PCSK5: variants seen among roughly 807,000 people sequenced by gnomAD.
The protein encoded by PCSK5 is proprotein convertase subtilisin/kexin type 5.
Under a neutral mutation model 233.2 loss-of-function variants are expected in PCSK5, and 129 were observed. The ratio of observed to expected loss-of-function variants is 0.55; its 90% CI spans 0.48 to 0.64. The LOEUF is 0.64. Ranked by LOEUF, PCSK5 falls within the 30% of genes least tolerant of loss-of-function variation. The pLI, the probability that PCSK5 is intolerant of heterozygous loss-of-function variation, is 0.00. For missense variants in PCSK5, 2,076 were observed against 2,430.1 expected (o/e 0.85, Z 3.06); for synonymous variants, 825 against 879.2 (o/e 0.94, Z 1.09).
chr9:75,907,857 ACAGT>A (rs1822468079), intron 1 of PCSK5, among the ~76,000 whole-genome samples: 1 of 152,228 alleles, frequency 6.6e-6, no homozygotes, highest in South Asian at 2.1e-4. Context: ...AGTAGCAAAA[ACAGT>A]CAGGTTTGGT....
chr9:76,042,303 TACTA>T (rs1375349269), intron 5 of PCSK5, among the ~76,000 whole-genome samples: 5 of 152,250 alleles, frequency 3.3e-5, no homozygotes, highest in African/African-American at 4.8e-5. Context: ...TGTAAAAGCG[TACTA>T]ACTGCCATTT....
chr9:75,901,494 G>A (rs955194788), intron 1 of PCSK5, among the ~76,000 whole-genome samples: 2 of 152,006 alleles, frequency 1.3e-5, no homozygotes, highest in African/African-American at 4.8e-5. Context: ...AAGGGAGGGA[G>A]AGCATTAGGA....
chr9:75,955,397 A>C (rs563572137), intron 2 of PCSK5, among the ~76,000 whole-genome samples: 1 of 152,294 alleles, frequency 6.6e-6, no homozygotes, highest in South Asian at 2.1e-4. Context: ...TCCTCTCACC[A>C]ACACACGTGC....
chr9:76,186,649 C>G (rs578106776), intron 17 of PCSK5, among the ~76,000 whole-genome samples: 7 of 152,142 alleles, frequency 4.6e-5, no homozygotes, highest in Non-Finnish European at 8.8e-5. Flanking sequence ...CTTCTCCATA[C>G]AGTGCAACCT....
intron 33 of PCSK5, among the ~76,000 whole-genome samples, chr9:76,331,764 G>A (rs1457888120): frequency 6.6e-6 from 1 of 152,112 alleles, no homozygotes; most frequent in African/African-American, 2.4e-5. Context: ...CTGCACTGCT[G>A]CCTTTGAAGA....
chr9:76,059,017 T>A (rs563812495), intron 5 of PCSK5, among the ~76,000 whole-genome samples: 2 of 151,976 alleles, frequency 1.3e-5, no homozygotes, highest in African/African-American at 4.8e-5. Flanking sequence ...AGAAAAGAAA[T>A]GTATAACAAT....
Position 76,027,055 on chromosome 9 carries a change from GGTGGCTGGCAT to G in PCSK5, c.632+29_632+39del, listed in dbSNP as rs1365385741. Reference sequence around the variant, plus strand: ...GAGAACAAGTAAGGCCCAAGTGAGGGGTGGCTGGCATGTGGCTGGCAAGGAGCTTTGTTTTC... The same window carrying G: ...GAGAACAAGTAAGGCCCAAGTGAGGGGTGGCTGGCAAGGAGCTTTGTTTTC... On this transcript the variant is annotated intron_variant, in intron 5 of 37. Coordinates refer to ENST00000674117, the MANE Select transcript of PCSK5 (RefSeq NM_001372043.1). The G allele has an allele frequency of 5.7e-6, 9 of 1,565,444 alleles. No homozygotes were observed. The highest frequency in any genetic ancestry group is 7.0e-6 in the Non-Finnish European group (8 of 1,141,408).
At position 76,299,372 on chromosome 9, in the gene PCSK5, A is replaced by G. The variant is rs150926604; in HGVS notation, c.3523+2507A>G. Reference sequence around the variant, plus strand: ...TTTAGTGTCCCTAAATGGCAGGAATAAAACCAATATTCAAGGCCGGACGTG... The same window carrying G: ...TTTAGTGTCCCTAAATGGCAGGAATGAAACCAATATTCAAGGCCGGACGTG... On this transcript the variant is annotated intron_variant, in intron 27 of 37. Coordinates refer to ENST00000674117, the MANE Select transcript of PCSK5 (RefSeq NM_001372043.1). 4.6e-3 allele frequency among the ~76,000 whole-genome samples: 704 copies of G among 152,304 alleles called. 6 individuals are homozygous for G. Among genetic ancestry groups the G allele is most frequent in the Non-Finnish European group, 5.2e-3 (354 of 68,026 alleles).
At chr9:76,170,443 C>T (rs1031562216) in intron 13 of PCSK5, among the ~76,000 whole-genome samples, 4 of 152,172 alleles carry the variant, frequency 2.6e-5, no homozygotes, top group Non-Finnish European at 4.4e-5. Context: ...ACAGCCTATT[C>T]CCGTCTTCAT....
intron 1 of PCSK5, among the ~76,000 whole-genome samples, chr9:75,928,547 C>G (rs1823605723): frequency 7.1e-6 from 1 of 140,780 alleles, no homozygotes; most frequent in Non-Finnish European, 1.5e-5. Flanking sequence ...CAGTAAGGGA[C>G]ATGCATATTA....
In PCSK5 at chr9:75,891,446, C is replaced by A. The variant is rs1354153786; in HGVS notation, c.192+73C>A. On this transcript the variant is annotated intron_variant, in intron 1 of 37. Transcript: ENST00000674117. ...GGCTTCTTGTCCCCTCTGCGTGGAA[C>A]CCCCTCCCCCTCTTCCAGATGTGCT... The A allele has an allele frequency of 2.5e-6, 3 of 1,179,144 alleles. No individual in the cohort carries two copies. In the Admixed American group the frequency reaches 7.9e-5, roughly 31 times the overall value. 73.0% of individuals were successfully genotyped at this position (1,179,144 alleles called of 1,614,324 possible).
At chr9:76,012,355 A>G (rs1238821571) in intron 3 of PCSK5, among the ~76,000 whole-genome samples, 4 of 152,204 alleles carry the variant, frequency 2.6e-5, no homozygotes, top group Non-Finnish European at 5.9e-5. Flanking sequence ...AAAAAGCCAT[A>G]TTAACTTCCA....
intron 2 of PCSK5, among the ~76,000 whole-genome samples, chr9:75,981,111 C>T (rs888309286): frequency 3.9e-5 from 6 of 152,158 alleles, no homozygotes; most frequent in African/African-American, 1.4e-4. Context: ...CATAGAGTAA[C>T]ATATGATTTA....
chr9:76,062,568 A>G (rs972214481), intron 5 of PCSK5, among the ~76,000 whole-genome samples: 7 of 152,192 alleles, frequency 4.6e-5, no homozygotes, highest in Non-Finnish European at 1.0e-4. Context: ...GTTTATCCAG[A>G]TATTTTCTCC....
intron 12 of PCSK5, among the ~76,000 whole-genome samples, chr9:76,162,543 G>GA (rs560452533): frequency 1.1e-4 from 16 of 151,590 alleles, no homozygotes; most frequent in African/African-American, 2.9e-4. Flanking sequence ...CTGTGGTGGG[G>GA]AAAAAAAATG....
intron 8 of PCSK5, among the ~76,000 whole-genome samples, chr9:76,099,353 T>G (rs574372257): frequency 2.8e-4 from 43 of 152,214 alleles, no homozygotes; most frequent in Admixed American, 8.5e-4. Flanking sequence ...GAGATTTCCA[T>G]GAAGATAATA....
chr9:76,123,757 G>A (rs141177383), intron 9 of PCSK5, among the ~76,000 whole-genome samples: 2 of 152,124 alleles, frequency 1.3e-5, no homozygotes, highest in African/African-American at 2.4e-5. Context: ...TTCAGAGTCT[G>A]TATTTGTTGA....
chr9:76,300,166 TCA>T (rs1449488270), intron 27 of PCSK5, among the ~76,000 whole-genome samples: 1 of 152,126 alleles, frequency 6.6e-6, no homozygotes, highest in Non-Finnish European at 1.5e-5. Flanking sequence ...TGAAAGTCAC[TCA>T]CATGTGAAAA....
chr9:75,991,750 G>A (rs993469855), intron 3 of PCSK5, among the ~76,000 whole-genome samples: 4 of 152,004 alleles, frequency 2.6e-5, no homozygotes, highest in Non-Finnish European at 4.4e-5. Flanking sequence ...GTTTTTTCAC[G>A]ACTAAAGAAA....
Sources: allele counts gnomAD v4.1 joint callset (sites outside exome capture counted in the v4.1 genomes callset), GRCh38; gene constraint gnomAD v4.1.1; transcripts MANE v1.5; gene names NCBI Gene and HGNC (gene_info 2026-07-23, HGNC 2026-07-21).